The following LHFPL3 variants were observed in gnomAD, a reference collection of about 807,000 sequenced individuals.
LHFPL3 encodes the protein LHFPL tetraspan subfamily member 3 protein.
In LHFPL3, 5 loss-of-function variants were observed where a neutral mutation model predicts 19.3. That is an observed-to-expected ratio of 0.26 (90% CI 0.14 to 0.54). The LOEUF (loss-of-function observed/expected upper bound fraction) is 0.54, where lower values mean the gene tolerates loss of function less well. Ranked by LOEUF, LHFPL3 falls within the 20% of genes least tolerant of loss-of-function variation. LHFPL3 has a pLI of 0.94. For missense variants in LHFPL3, 249 were observed against 307.4 expected, an observed-to-expected ratio of 0.81 and a Z score of 1.42; for synonymous variants, 133 against 126.2, an observed-to-expected ratio of 1.05 and a Z score of -0.36.
chr7:104,543,276 G>C (rs908755064), intron 1 of LHFPL3, among the ~76,000 whole-genome samples: 1 of 152,086 alleles, frequency 6.6e-6, no homozygotes, highest in African/African-American at 2.4e-5. Flanking sequence ...AGGTGCTGGA[G>C]AGGATGTGGA....
intron 2 of LHFPL3, among the ~76,000 whole-genome samples, chr7:104,852,977 G>A (rs531811899): frequency 7.2e-5 from 11 of 152,130 alleles, no homozygotes; most frequent in South Asian, 2.1e-4. Flanking sequence ...CACTGCCACC[G>A]TCTGCCCGAG....
At chr7:104,430,660 G>A (rs934273344) in intron 1 of LHFPL3, among the ~76,000 whole-genome samples, 35 of 149,696 alleles carry the variant, frequency 2.3e-4, no homozygotes, top group African/African-American at 6.9e-4. Flanking sequence ...AGTAGAGACG[G>A]GATTTCACCG....
At chr7:104,335,843 A>C (rs985312646) in intron 1 of LHFPL3, among the ~76,000 whole-genome samples, 14 of 136,300 alleles carry the variant, frequency 1.0e-4, no homozygotes, top group Non-Finnish European at 1.9e-4. Flanking sequence ...AAATCTTTCA[A>C]AGGGAGTAAA....
intron 2 of LHFPL3, among the ~76,000 whole-genome samples, chr7:104,832,624 CTT>C (rs10636405): frequency 7.6e-6 from 1 of 132,024 alleles, no homozygotes. Context: ...TTTTTTCCTT[CTT>C]TTTTTTTTTT....
At chr7:104,401,805 A>T (rs1791316734) in intron 1 of LHFPL3, among the ~76,000 whole-genome samples, 1 of 152,214 alleles carries the variant, frequency 6.6e-6, no homozygotes, top group African/African-American at 2.4e-5. Context: ...TTTGCCATTG[A>T]TGTTTGAGCG....
chr7:104,365,097 C>T (rs1191474204), intron 1 of LHFPL3, among the ~76,000 whole-genome samples: 4 of 151,810 alleles, frequency 2.6e-5, no homozygotes, highest in African/African-American at 7.3e-5. Flanking sequence ...GTCGAGATTT[C>T]GAGACCAACC....
At chr7:104,529,921 G>C (rs1470951392) in intron 1 of LHFPL3, among the ~76,000 whole-genome samples, 2 of 152,188 alleles carry the variant, frequency 1.3e-5, no homozygotes, top group African/African-American at 2.4e-5. Flanking sequence ...TGAAGGCAGT[G>C]TGGATATGGA....
chr7:104,433,183 C>A (rs1284383668), intron 1 of LHFPL3, among the ~76,000 whole-genome samples: 3 of 152,040 alleles, frequency 2.0e-5, no homozygotes, highest in Non-Finnish European at 4.4e-5. Flanking sequence ...AAAATGTTAT[C>A]CTTGAATAAC....
At chr7:104,696,787 G>A (rs556351329) in intron 1 of LHFPL3, among the ~76,000 whole-genome samples, 147 of 152,242 alleles carry the variant, frequency 9.7e-4, no homozygotes, top group Middle Eastern at 3.4e-3. Flanking sequence ...ATTTTTTTGC[G>A]GAGTTGGATT....
At chr7:104,796,942 A>T (rs1418978393) in intron 2 of LHFPL3, 1 of 152,682 alleles carries the variant, frequency 6.5e-6, no homozygotes, top group African/African-American at 2.4e-5. Flanking sequence ...TTACTCCCAG[A>T]ACATATCCTA....
chr7:104,422,470 A>T (rs189628667), intron 1 of LHFPL3, among the ~76,000 whole-genome samples: 174 of 152,372 alleles, frequency 1.1e-3, no homozygotes, highest in African/African-American at 3.9e-3. Flanking sequence ...TCTTCTAATG[A>T]CAGTCTCTCT....
rs1169426864 is a variant in LHFPL3 at position 104,365,790 on chromosome 7, A to AT, written c.445+36566_445+36567insT. Among the ~76,000 whole-genome samples the AT allele has an allele frequency of 5.7e-4, 78 of 137,838 alleles. 1 individual carries two copies. Among genetic ancestry groups the AT allele is most frequent in the Non-Finnish European group, 1.1e-3 (67 of 63,570 alleles). The allele number at this position is 137,838 out of a possible 152,430, so 90.4% of individuals were successfully genotyped here. A position where few individuals can be genotyped will look rare whatever the true frequency, so the allele number is the denominator to read the frequency against. On this transcript the variant is annotated intron_variant, in intron 1 of 2. Coordinates refer to ENST00000424859, the MANE Select transcript of LHFPL3 (RefSeq NM_199000.3). ...GCGACAGAGCGAGACTCCGTCTCAA[A>AT]AAAAAAAAAAAAAAAGAAAAGCCTC...
At chr7:104,518,306 A>G (rs993183188) in intron 1 of LHFPL3, among the ~76,000 whole-genome samples, 6 of 152,184 alleles carry the variant, frequency 3.9e-5, no homozygotes, top group African/African-American at 9.6e-5. Flanking sequence ...TAAATTTCCA[A>G]TTTATATTTT....
chr7:104,603,964 T>C (rs781403013), intron 1 of LHFPL3, among the ~76,000 whole-genome samples: 20 of 152,170 alleles, frequency 1.3e-4, no homozygotes, highest in Non-Finnish European at 2.5e-4. Flanking sequence ...CTCTTTTTTC[T>C]AGGCTGACCC....
intron 1 of LHFPL3, among the ~76,000 whole-genome samples, chr7:104,417,327 ACTTCACAGATAGATAGTATG>A (rs1791640742): frequency 6.6e-6 from 1 of 152,200 alleles, no homozygotes; most frequent in Admixed American, 6.5e-5. Context: ...CAGTTTAACA[ACTTCACAGATAGATAGTATG>A]CCAGTGTCCC....
chr7:104,614,827 T>C (rs1235021627), intron 1 of LHFPL3, among the ~76,000 whole-genome samples: 1 of 151,476 alleles, frequency 6.6e-6, no homozygotes, highest in African/African-American at 2.4e-5. Flanking sequence ...CACAGCTCAC[T>C]GCAACCCCAA....
intron 2 of LHFPL3, among the ~76,000 whole-genome samples, chr7:104,754,085 G>A (rs886700588): frequency 1.3e-5 from 2 of 152,166 alleles, no homozygotes; most frequent in Non-Finnish European, 2.9e-5. Flanking sequence ...GGAGTTGGAG[G>A]AAATCTGGTT....
At chr7:104,341,871 A>G (rs1485822489) in intron 1 of LHFPL3, among the ~76,000 whole-genome samples, 1 of 150,342 alleles carries the variant, frequency 6.7e-6, no homozygotes, top group Non-Finnish European at 1.5e-5. Flanking sequence ...CGGAGGGTGG[A>G]GGATAAAATA....
chr7:104,553,467 C>T (rs1412842331), intron 1 of LHFPL3, among the ~76,000 whole-genome samples: 1 of 152,166 alleles, frequency 6.6e-6, no homozygotes, highest in Non-Finnish European at 1.5e-5. Context: ...ATGACTTGAA[C>T]CACTTGCCAC....
Sources: allele counts gnomAD v4.1 joint callset (sites outside exome capture counted in the v4.1 genomes callset), GRCh38; gene constraint gnomAD v4.1.1; transcripts MANE v1.5; gene names NCBI Gene and HGNC (gene_info 2026-07-23, HGNC 2026-07-21).